Variants in SDK1 observed in about 807,000 individuals in gnomAD.
SDK1 encodes protein sidekick-1.
In SDK1, 157 loss-of-function variants were observed where a neutral mutation model predicts 245.5. That is an observed-to-expected ratio of 0.64 (90% CI 0.56 to 0.73). SDK1 has a LOEUF of 0.73. Ranked by LOEUF, SDK1 falls within the 30% of genes least tolerant of loss-of-function variation. The pLI, the probability that SDK1 is intolerant of heterozygous loss-of-function variation, is 0.00. For synonymous variants in SDK1, 1,647 were observed against 1,278.5 expected, an observed-to-expected ratio of 1.29 and a Z score of -6.15; for missense variants, 3,583 against 3,002.3, an observed-to-expected ratio of 1.19 and a Z score of -4.52.
intron 1 of SDK1, among the ~76,000 whole-genome samples, chr7:3,436,453 G>C (rs938499671): frequency 1.3e-5 from 2 of 152,024 alleles, no homozygotes; most frequent in Non-Finnish European, 2.9e-5. Flanking sequence ...TGTCATGCTT[G>C]TCATTCTAAT....
At chr7:4,187,477 T>C (rs907665769) in intron 35 of SDK1, among the ~76,000 whole-genome samples, 4 of 152,224 alleles carry the variant, frequency 2.6e-5, no homozygotes, top group African/African-American at 7.2e-5. Flanking sequence ...GGTGACCAGA[T>C]ACAGGGCTCA....
intron 4 of SDK1, among the ~76,000 whole-genome samples, chr7:3,715,345 A>T (rs1785169119): frequency 6.6e-6 from 1 of 152,164 alleles, no homozygotes; most frequent in African/African-American, 2.4e-5. Context: ...GCATTTTCCG[A>T]TCCGTTTACA....
chr7:3,661,586 G>C (rs975222348), intron 4 of SDK1, among the ~76,000 whole-genome samples: 46 of 152,260 alleles, frequency 3.0e-4, no homozygotes, highest in African/African-American at 1.1e-3. Context: ...TTTTTGAAAA[G>C]CATCTACTGA....
intron 1 of SDK1, among the ~76,000 whole-genome samples, chr7:3,523,916 C>T (rs1783029209): frequency 6.6e-6 from 1 of 152,064 alleles, no homozygotes; most frequent in South Asian, 2.1e-4. Context: ...GGTTATAGCC[C>T]CTGCTGTCAG....
rs764539213 is a variant in SDK1, at chr7:4,220,240, C to T, written c.5671C>T (p.Gln1891Ter). Residue 1891 changes from glutamine to a stop codon, truncating the protein, a stop_gained, in exon 39 of 45, where the codon CAA becomes TAA. Transcript: ENST00000404826. LOFTEE classifies it high-confidence loss of function. The stretch of plus-strand genomic sequence containing the variant: ...GACCATCACCTACGGGCCCGAGCTC[C>T]AAGCCAATATCACAGCCGGGCCAGC... Reference protein sequence around the residue: ...ARTITYGPELQANITAGPAEG... With the variant: ...ARTITYGPEL 6.2e-7 allele frequency: 1 copy of T among 1,611,892 alleles called. No individual in the cohort carries two copies. The highest frequency in any genetic ancestry group is 1.1e-5 in the South Asian group (1 of 90,920).
intron 1 of SDK1, among the ~76,000 whole-genome samples, chr7:3,357,813 T>C (rs1004555229): frequency 6.6e-6 from 1 of 152,172 alleles, no homozygotes; most frequent in African/African-American, 2.4e-5. Flanking sequence ...CTCTGAACTT[T>C]CTTTGCTATT....
intron 40 of SDK1, among the ~76,000 whole-genome samples, chr7:4,227,688 C>G (rs1185074678): frequency 6.6e-6 from 1 of 152,242 alleles, no homozygotes; most frequent in African/African-American, 2.4e-5. Flanking sequence ...TCCATGAAAT[C>G]AAACTTTTGT....
intron 1 of SDK1, among the ~76,000 whole-genome samples, chr7:3,584,918 G>A (rs796193629): frequency 9.2e-5 from 14 of 152,134 alleles, no homozygotes; most frequent in African/African-American, 3.4e-4. Flanking sequence ...CGGAGACGGA[G>A]TTTCACCGTG....
intron 10 of SDK1, among the ~76,000 whole-genome samples, 168 bp from the exon 11 acceptor site, chr7:3,969,089 G>C (rs752447316): frequency 1.3e-5 from 2 of 152,186 alleles, no homozygotes. Flanking sequence ...TCAGGATCCA[G>C]TCACCTCCCA....
chr7:3,322,463 CCT>C (rs1223035767), intron 1 of SDK1, among the ~76,000 whole-genome samples: 3 of 152,110 alleles, frequency 2.0e-5, no homozygotes, highest in African/African-American at 7.2e-5. Context: ...TGTTTGAACA[CCT>C]GTTTTCTCTT....
intron 5 of SDK1, among the ~76,000 whole-genome samples, chr7:3,924,214 T>C (rs1245658382): frequency 6.6e-6 from 1 of 151,610 alleles, no homozygotes; most frequent in Non-Finnish European, 1.5e-5. Context: ...GACTCCTGAG[T>C]ATTTCTGAGA....
chr7:3,991,022 G>A (rs1047276525), intron 14 of SDK1, among the ~76,000 whole-genome samples: 4 of 152,248 alleles, frequency 2.6e-5, no homozygotes, highest in East Asian at 1.9e-4. Context: ...CAGAGCTGAC[G>A]TGATCAGTGT....
At chr7:4,099,074 G>C (rs2128186452) in intron 22 of SDK1, among the ~76,000 whole-genome samples, 1 of 152,078 alleles carries the variant, frequency 6.6e-6, no homozygotes, top group South Asian at 2.1e-4. Flanking sequence ...AGCAGGGTCA[G>C]CCAGGAAGGC....
chr7:3,495,940 T>G (rs1266078991), intron 1 of SDK1, among the ~76,000 whole-genome samples: 1 of 152,194 alleles, frequency 6.6e-6, no homozygotes, highest in Non-Finnish European at 1.5e-5. Context: ...GTTCACAGAT[T>G]CCAGAAGAAT....
intron 4 of SDK1, among the ~76,000 whole-genome samples, chr7:3,774,239 C>G (rs960532099): frequency 2.0e-5 from 3 of 148,308 alleles, no homozygotes; most frequent in Non-Finnish European, 3.0e-5. Flanking sequence ...AAAAAGAATA[C>G]TGGCCTTTTA....
At chr7:3,397,466 C>G (rs143341328) in intron 1 of SDK1, among the ~76,000 whole-genome samples, 23 of 138,260 alleles carry the variant, frequency 1.7e-4, no homozygotes, top group African/African-American at 6.8e-4. Context: ...ATTTTTGGTT[C>G]GTAGTCTTTT....
intron 1 of SDK1, among the ~76,000 whole-genome samples, chr7:3,584,479 C>T (rs1780616783): frequency 6.6e-6 from 1 of 152,160 alleles, no homozygotes. Context: ...CCACCAAGGG[C>T]TGCCTGGCCC....
intron 4 of SDK1, among the ~76,000 whole-genome samples, chr7:3,674,562 C>CTGT (rs1783829068): frequency 6.6e-6 from 1 of 152,100 alleles, no homozygotes; most frequent in South Asian, 2.1e-4. Flanking sequence ...GGAGTAAGAG[C>CTGT]TGTTCATGGC....
intron 7 of SDK1, chr7:3,958,084 A>G (rs1380695127): frequency 2.6e-5 from 12 of 458,952 alleles, no homozygotes; most frequent in South Asian, 1.1e-4. Flanking sequence ...GAGGCATGCC[A>G]AGCTATCTTA....
Sources: gnomAD v4.1 joint callset for allele counts (sites outside exome capture counted in the v4.1 genomes callset) on GRCh38, gnomAD v4.1.1 for gene constraint, MANE v1.5 for transcripts, NCBI Gene and HGNC (gene_info 2026-07-23, HGNC 2026-07-21) for gene names.